Variants in TMEM132D observed in about 807,000 individuals in gnomAD.
TMEM132D encodes the protein mature OL transmembrane protein.
A neutral mutation model predicts 62.3 loss-of-function variants in TMEM132D; 21 were observed. The observed-to-expected ratio is 0.34, with a 90% confidence interval of 0.24 to 0.49. The LOEUF (loss-of-function observed/expected upper bound fraction) is 0.49, where lower values mean the gene tolerates loss of function less well. TMEM132D is among the 20% of genes least tolerant of loss of function. The pLI is 0.99. For synonymous variants in TMEM132D, 621 were observed against 575.6 expected, an observed-to-expected ratio of 1.08 and a Z score of -1.13; for missense variants, 1,346 against 1,402.8, an observed-to-expected ratio of 0.96 and a Z score of 0.65.
At chr12:129,428,949 T>A (rs1392504643) in intron 3 of TMEM132D, among the ~76,000 whole-genome samples, 8 of 152,252 alleles carry the variant, frequency 5.3e-5, no homozygotes, top group African/African-American at 1.9e-4. Flanking sequence ...TTTTGCCACT[T>A]AGTTGCACTA....
intron 1 of TMEM132D, among the ~76,000 whole-genome samples, chr12:129,845,471 G>C (rs1313703995): frequency 1.3e-5 from 2 of 152,158 alleles, no homozygotes; most frequent in Admixed American, 1.3e-4. Context: ...GACGGAAAGG[G>C]CCACGCTTGC....
chr12:129,445,035 G>A (rs1214153673), intron 3 of TMEM132D, among the ~76,000 whole-genome samples: 1 of 152,158 alleles, frequency 6.6e-6, no homozygotes, highest in Non-Finnish European at 1.5e-5. Flanking sequence ...GCACATGAAT[G>A]TTCATTGCAG....
intron 2 of TMEM132D, among the ~76,000 whole-genome samples, chr12:129,648,865 AT>A (rs1366734389): frequency 5.9e-5 from 9 of 152,104 alleles, no homozygotes; most frequent in South Asian, 2.1e-4. Flanking sequence ...TTATAAAAAA[AT>A]ATATATATAA....
intron 3 of TMEM132D, among the ~76,000 whole-genome samples, chr12:129,519,546 G>A (rs1593048309): frequency 6.6e-6 from 1 of 151,480 alleles, no homozygotes; most frequent in African/African-American, 2.4e-5. Flanking sequence ...TTATTCTGAG[G>A]AAAGATTCAT....
chr12:129,159,872 CAG>C (rs1877351717), intron 5 of TMEM132D, among the ~76,000 whole-genome samples: 1 of 151,478 alleles, frequency 6.6e-6, no homozygotes, highest in Non-Finnish European at 1.5e-5. Context: ...ACTGTGATGA[CAG>C]GGGAGAGTTA....
chr12:129,705,011 T>A (rs1881470324), intron 1 of TMEM132D, among the ~76,000 whole-genome samples: 1 of 152,198 alleles, frequency 6.6e-6, no homozygotes, highest in Non-Finnish European at 1.5e-5. Context: ...TGGTTTCAGA[T>A]GCAATAACAC....
chr12:129,552,478 TTATC>T (rs1876926835), intron 2 of TMEM132D, among the ~76,000 whole-genome samples: 1 of 152,164 alleles, frequency 6.6e-6, no homozygotes. Flanking sequence ...TCATTATCTA[TTATC>T]TCTCTACATT....
chr12:129,832,382 T>C (rs529406035), intron 1 of TMEM132D, among the ~76,000 whole-genome samples: 28 of 151,764 alleles, frequency 1.8e-4, no homozygotes, highest in African/African-American at 6.0e-4. Context: ...GGATATATCA[T>C]AAATATTATA....
At chr12:129,831,652 G>A (rs1323445855) in intron 1 of TMEM132D, among the ~76,000 whole-genome samples, 2 of 152,078 alleles carry the variant, frequency 1.3e-5, no homozygotes, top group Admixed American at 1.3e-4. Context: ...ACAATGATTA[G>A]CCTCCTGCTT....
chr12:129,223,010 C>A (rs975629288), intron 4 of TMEM132D, among the ~76,000 whole-genome samples: 7 of 152,052 alleles, frequency 4.6e-5, no homozygotes, highest in African/African-American at 1.4e-4. Context: ...ATATTATACA[C>A]CTTAAACATA....
intron 3 of TMEM132D, among the ~76,000 whole-genome samples, chr12:129,354,558 G>A (rs1368179285): frequency 1.3e-5 from 2 of 152,240 alleles, no homozygotes; most frequent in Admixed American, 6.5e-5. Context: ...TCCTGACTTT[G>A]TGATCTGCCC....
At chr12:129,616,923 G>A (rs1878932881) in intron 2 of TMEM132D, among the ~76,000 whole-genome samples, 1 of 152,184 alleles carries the variant, frequency 6.6e-6, no homozygotes, top group Non-Finnish European at 1.5e-5. Flanking sequence ...AGGAGATGAA[G>A]AACACTGGAT....
intron 2 of TMEM132D, among the ~76,000 whole-genome samples, chr12:129,641,572 T>C (rs1879641287): frequency 6.6e-6 from 1 of 152,162 alleles, no homozygotes; most frequent in South Asian, 2.1e-4. Flanking sequence ...TTCATGTCAT[T>C]TCCAAAAAGC....
intron 3 of TMEM132D, among the ~76,000 whole-genome samples, chr12:129,452,824 T>C (rs1457663606): frequency 1.3e-5 from 2 of 152,190 alleles, no homozygotes; most frequent in African/African-American, 4.8e-5. Context: ...GTGCAATAGT[T>C]AAATCAGGTA....
At chr12:129,244,000 G>C (rs928215267) in intron 4 of TMEM132D, among the ~76,000 whole-genome samples, 4 of 152,082 alleles carry the variant, frequency 2.6e-5, no homozygotes, top group Non-Finnish European at 5.9e-5. Flanking sequence ...AGTGCGTTTG[G>C]GGGGTTCTGT....
At chr12:129,136,780 CCAT>C (rs1876578762) in intron 5 of TMEM132D, among the ~76,000 whole-genome samples, 1 of 123,274 alleles carries the variant, frequency 8.1e-6, no homozygotes, top group Admixed American at 8.0e-5. Flanking sequence ...ATCACCATCA[CCAT>C]CATCACCATC....
intron 4 of TMEM132D, among the ~76,000 whole-genome samples, chr12:129,329,072 G>A (rs1039649131): frequency 2.7e-5 from 4 of 150,826 alleles, no homozygotes; most frequent in Non-Finnish European, 5.9e-5. Context: ...CATACGTCTG[G>A]AATCAGAAAT....
intron 4 of TMEM132D, among the ~76,000 whole-genome samples, chr12:129,229,484 G>A (rs1400240305): frequency 6.6e-6 from 1 of 152,176 alleles, no homozygotes; most frequent in Admixed American, 6.5e-5. Flanking sequence ...GAAACTGAGG[G>A]AGGTTTTGCC....
intron 3 of TMEM132D, among the ~76,000 whole-genome samples, chr12:129,391,585 T>G (rs2135694252): frequency 6.6e-6 from 1 of 152,320 alleles, no homozygotes; most frequent in South Asian, 2.1e-4. Flanking sequence ...CCCTGTGGAC[T>G]AAGATCTCAT....
Sources: allele counts gnomAD v4.1 joint callset (sites outside exome capture counted in the v4.1 genomes callset), GRCh38; gene constraint gnomAD v4.1.1; transcripts MANE v1.5; gene names NCBI Gene and HGNC (gene_info 2026-07-23, HGNC 2026-07-21).